Variants in IGSF9B observed in about 807,000 individuals in gnomAD.
The protein encoded by IGSF9B is protein turtle homolog B.
IGSF9B carries 48 observed loss-of-function variants against 143.7 expected under a neutral mutation model. The ratio of observed to expected loss-of-function variants is 0.33; its 90% confidence interval spans 0.26 to 0.42. The LOEUF is 0.42. IGSF9B is among the 20% of genes least tolerant of loss of function. The probability of loss-of-function intolerance (pLI) is 1.00; values close to 1 mark genes in which losing one functional copy is unlikely to be tolerated. For missense variants in IGSF9B, 1,706 were observed against 1,980.0 expected, an observed-to-expected ratio of 0.86 and a Z score of 2.63; for synonymous variants, 903 against 833.1, an observed-to-expected ratio of 1.08 and a Z score of -1.44.
At chr11:133,910,276 G>A (rs1193921317) in intron 19 of IGSF9B, among the ~76,000 whole-genome samples, 8 of 152,222 alleles carry the variant, frequency 5.3e-5, no homozygotes, top group South Asian at 2.1e-4. Context: ...GCAGTTCGCC[G>A]TGGTGGCTGT....
chr11:133,951,340 T>G (rs546776085), intron 1 of IGSF9B, among the ~76,000 whole-genome samples: 43 of 152,320 alleles, frequency 2.8e-4, no homozygotes, highest in African/African-American at 1.0e-3. Flanking sequence ...CTCCCCTTCA[T>G]GCCCTCACAG....
rs906146993 is a variant in IGSF9B, at chr11:133,908,876, G to A, written c.*193C>T. 1.2e-5 allele frequency: 7 copies of A among 583,100 alleles called. No individual in the cohort carries two copies. The highest frequency in any genetic ancestry group is 7.5e-5 in the African/African-American group (4 of 53,610). 36.1% of individuals were successfully genotyped at this position (583,100 alleles called of 1,614,324 possible). ...CCTGACCTCGACCCACAGGTGGAAG[G>A]TGTGCCCACCCTCCGTCCTGAAGAC... On this transcript the variant is annotated 3_prime_UTR_variant, in exon 20 of 20. Transcript: ENST00000533871.
chr11:133,942,669 C>T (rs1158583874), intron 3 of IGSF9B, among the ~76,000 whole-genome samples: 1 of 152,212 alleles, frequency 6.6e-6, no homozygotes, highest in Non-Finnish European at 1.5e-5. Flanking sequence ...CGGGGACCCT[C>T]AGCCTGGTGT....
chr11:133,929,396 G>A (rs140896343), intron 12 of IGSF9B, among the ~76,000 whole-genome samples: 69 of 152,322 alleles, frequency 4.5e-4, no homozygotes, highest in Middle Eastern at 3.4e-3. Flanking sequence ...GAAGCAGGAC[G>A]CAAAACGAGG....
chr11:133,951,745 C>A (rs922182704), intron 1 of IGSF9B, among the ~76,000 whole-genome samples: 16 of 152,184 alleles, frequency 1.1e-4, no homozygotes, highest in African/African-American at 2.9e-4. Flanking sequence ...CAGGTGCACG[C>A]GCCCCTGCAG....
chr11:133,898,176 A>C lies in IGSF9B; in HGVS notation c.*10893T>G, dbSNP rs1939052374. ...GTCTTCACAGGAAGACCTGGCATGG[A>C]TCGGGGGTCGCCCCCAAAGAAAGTG... On this transcript the variant is annotated 3_prime_UTR_variant, in exon 20 of 20. Coordinates refer to ENST00000533871, the MANE Select transcript of IGSF9B (RefSeq NM_001277285.4). The C allele has an allele frequency of 6.6e-6, 1 of 152,258 alleles. No homozygotes were observed. The highest frequency in any genetic ancestry group is 1.5e-5 in the Non-Finnish European group (1 of 68,054). The allele number at this position is 152,258 out of a possible 1,614,324, so 9.4% of individuals were successfully genotyped here.
At chr11:133,924,594 A>G (rs1248433074) in intron 15 of IGSF9B, among the ~76,000 whole-genome samples, 1 of 152,188 alleles carries the variant, frequency 6.6e-6, no homozygotes, top group Non-Finnish European at 1.5e-5. Flanking sequence ...GCTGTCTTAT[A>G]CAAGTGTCAG....
At chr11:133,943,636 G>A (rs138774237) in intron 3 of IGSF9B, among the ~76,000 whole-genome samples, 33 of 152,238 alleles carry the variant, frequency 2.2e-4, no homozygotes, top group Middle Eastern at 3.4e-3. Flanking sequence ...AAACTGTGAC[G>A]CTTCCCAGGA....
In IGSF9B at chr11:133,940,471, C is replaced by T. The variant is rs183679379; in HGVS notation, c.410-2510G>A. Among the ~76,000 whole-genome samples the T allele has an allele frequency of 6.0e-3, 849 of 141,924 alleles. 10 individuals carry two copies. The highest frequency in any genetic ancestry group is 0.02 in the African/African-American group (756 of 37,394). The allele number at this position is 141,924 out of a possible 152,430, so 93.1% of individuals were successfully genotyped here. ...AACACACCTCGCACGTCCTCGCACGCGTCATCGCATACAGAAACATACACC... is the reference window on the plus strand; with the variant it reads ...AACACACCTCGCACGTCCTCGCACGTGTCATCGCATACAGAAACATACACC... On this transcript the variant is annotated intron_variant, in intron 3 of 19. Coordinates refer to ENST00000533871, the MANE Select transcript of IGSF9B (RefSeq NM_001277285.4).
Position 133,902,188 on chromosome 11 carries a change from ACAC to A in IGSF9B, c.*6878_*6880del, listed in dbSNP as rs200360852. 0.041 allele frequency among the ~76,000 whole-genome samples: 6,121 copies of A among 148,592 alleles called. 376 individuals carry two copies. The highest frequency in any genetic ancestry group is 0.14 in the African/African-American group (5,461 of 40,192). On this transcript the variant is annotated 3_prime_UTR_variant, in exon 20 of 20. Transcript: ENST00000533871. ...CACACCAAACACACACACACCAAACACACCAGACACACCACAAGCATACACCAC... is the reference window on the plus strand; with the variant it reads ...CACACCAAACACACACACACCAAACACAGACACACCACAAGCATACACCAC...
intron 19 of IGSF9B, among the ~76,000 whole-genome samples, 196 bp downstream of exon 19, chr11:133,911,690 G>T (rs894850011): frequency 6.6e-6 from 1 of 152,128 alleles, no homozygotes; most frequent in Non-Finnish European, 1.5e-5. Context: ...TGAAAATTAT[G>T]TTTGTGTATT....
chr11:133,949,353 A>G (rs1034530173), intron 1 of IGSF9B, among the ~76,000 whole-genome samples: 1 of 152,146 alleles, frequency 6.6e-6, no homozygotes, highest in Non-Finnish European at 1.5e-5. Context: ...CGCACGGCAT[A>G]TTCTCTCACT....
At chr11:133,917,557 C>T (rs576388303) in intron 18 of IGSF9B, among the ~76,000 whole-genome samples, 4 of 152,194 alleles carry the variant, frequency 2.6e-5, no homozygotes, top group Admixed American at 1.3e-4. Flanking sequence ...AATGTGGACC[C>T]AAGGGCTAGG....
At chr11:133,912,070 G>C in intron 18 of IGSF9B, 63 bp from the exon 19 acceptor site, 2 of 1,477,096 alleles carry the variant, frequency 1.4e-6, no homozygotes, top group Non-Finnish European at 1.8e-6. Context: ...TGGAAGAGGG[G>C]CTGGAAGAAA....
At chr11:133,910,468 C>T (rs1007473691) in intron 19 of IGSF9B, among the ~76,000 whole-genome samples, 2 of 152,118 alleles carry the variant, frequency 1.3e-5, no homozygotes, top group Non-Finnish European at 2.9e-5. Context: ...CTAGCGGGCT[C>T]GACGTAAGAT....
intron 6 of IGSF9B, 143 bp from the exon 7 acceptor site, chr11:133,935,905 C>T: frequency 1.4e-6 from 2 of 1,386,710 alleles, no homozygotes; most frequent in Non-Finnish European, 1.9e-6. Flanking sequence ...AGACCCTGGC[C>T]TTGGCATGTG....
rs1362094309 is a variant in IGSF9B, at chr11:133,902,481, A to C, written c.*6588T>G. Among the ~76,000 whole-genome samples the C allele has an allele frequency of 3.1e-5, 2 of 65,470 alleles. No homozygotes were observed. Among genetic ancestry groups the C allele is most frequent in the Non-Finnish European group, 8.3e-5 (2 of 24,088 alleles). 43.0% of individuals were successfully genotyped at this position (65,470 alleles called of 152,430 possible). ...ACACACAGATACACACACCACACACAACACACACACACACCAGACATGCAC... is the reference window on the plus strand; with the variant it reads ...ACACACAGATACACACACCACACACCACACACACACACACCAGACATGCAC... On this transcript the variant is annotated 3_prime_UTR_variant, in exon 20 of 20. Transcript: ENST00000533871.
At chr11:133,936,414 C>T (rs559162545) in intron 5 of IGSF9B, among the ~76,000 whole-genome samples, 1 of 151,960 alleles carries the variant, frequency 6.6e-6, no homozygotes, top group African/African-American at 2.4e-5. Context: ...ACGCACACCC[C>T]CTTCCTGCCT....
intron 18 of IGSF9B, among the ~76,000 whole-genome samples, chr11:133,914,791 A>G (rs912554560): frequency 1.3e-5 from 2 of 152,242 alleles, no homozygotes; most frequent in Admixed American, 1.3e-4. Flanking sequence ...CACATGGTAC[A>G]GAAAAGACAC....
Sources: allele counts gnomAD v4.1 joint callset (sites outside exome capture counted in the v4.1 genomes callset), GRCh38; gene constraint gnomAD v4.1.1; transcripts MANE v1.5; gene names NCBI Gene and HGNC (gene_info 2026-07-23, HGNC 2026-07-21).